Variants in TNIP3 observed in about 807,000 individuals in gnomAD.
The protein encoded by TNIP3 is TNFAIP3-interacting protein 3.
Under a neutral mutation model 54.1 loss-of-function variants are expected in TNIP3, and 34 were observed. The ratio of observed to expected loss-of-function variants is 0.63; its 90% CI spans 0.48 to 0.84. The LOEUF (loss-of-function observed/expected upper bound fraction) is 0.84. TNIP3 is among the 40% of genes least tolerant of loss of function. The pLI is 0.00. For missense variants in TNIP3, 366 were observed against 387.6 expected (o/e 0.94, Z 0.47); for synonymous variants, 134 against 136.8 (o/e 0.98, Z 0.14).
At chr4:121,223,322 T>C (rs1255694649) in intron 1 of TNIP3, among the ~76,000 whole-genome samples, 1 of 152,230 alleles carries the variant, frequency 6.6e-6, no homozygotes, top group Non-Finnish European at 1.5e-5. Flanking sequence ...TCTGAAGTAA[T>C]AAATTTTGTT....
At chr4:121,155,588 G>A (rs2148810784) in intron 4 of TNIP3, among the ~76,000 whole-genome samples, 1 of 152,254 alleles carries the variant, frequency 6.6e-6, no homozygotes, top group East Asian at 1.9e-4. Flanking sequence ...TCATCCAGAA[G>A]TGCAGTGTTT....
intron 9 of TNIP3, among the ~76,000 whole-genome samples, chr4:121,139,396 C>A (rs988237365): frequency 1.3e-5 from 2 of 152,158 alleles, no homozygotes; most frequent in African/African-American, 2.4e-5. Flanking sequence ...ATCTCCAAGG[C>A]CAGCACCTCT....
upstream of TNIP3, among the ~76,000 whole-genome samples, chr4:121,167,867 T>A (rs530154120): frequency 5.3e-4 from 80 of 152,266 alleles, no homozygotes; most frequent in African/African-American, 1.9e-3. Context: ...GACTCGAGAC[T>A]CCTGTATTAA....
Position 121,195,584 on chromosome 4 carries a change from T to G in TNIP3, c.69-12788A>C, listed in dbSNP as rs573195355. ...GGAATTAACAAGGGTCATGACAATGTGGAGACCAGGAAATTAAAAGTTATT... is the reference window on the plus strand; with the variant it reads ...GGAATTAACAAGGGTCATGACAATGGGGAGACCAGGAAATTAAAAGTTATT... On this transcript the variant is annotated intron_variant, in intron 2 of 12. Transcript: ENST00000507879. Among the ~76,000 whole-genome samples the G allele has an allele frequency of 2.6e-5, 4 of 152,342 alleles. No individual in the cohort carries two copies. In the East Asian group the frequency reaches 5.8e-4, roughly 22 times the overall value.
rs115185303 is a variant in TNIP3 at position 121,169,452 on chromosome 4, A to G, written c.190-5306T>C. ...TTCACCTTTCCTGCTTTATTTTTCC[A>G]TAACACTAAATTTTTTTCTTCTTTT... On this transcript the variant is annotated intron_variant, in intron 3 of 12. Transcript: ENST00000507879. Among the ~76,000 whole-genome samples, 688 of 152,150 alleles carry G rather than the reference A, an allele frequency of 4.5e-3. 5 individuals carry two copies. Among genetic ancestry groups the G allele is most frequent in the African/African-American group, 0.016 (647 of 41,512 alleles).
At chr4:121,194,736 A>G (rs1212960074) in intron 2 of TNIP3, among the ~76,000 whole-genome samples, 1 of 152,160 alleles carries the variant, frequency 6.6e-6, no homozygotes, top group Non-Finnish European at 1.5e-5. Context: ...AATGGCTGGC[A>G]TTTCACCTCC....
At position 121,221,749 on chromosome 4, in the gene TNIP3, A is replaced by G. The variant is rs539937100; in HGVS notation, c.4-5249T>C. Among the ~76,000 whole-genome samples the G allele has an allele frequency of 1.8e-4, 27 of 151,736 alleles. 1 individual carries two copies. Among genetic ancestry groups the G allele is most frequent in the African/African-American group, 6.6e-4 (27 of 41,026 alleles). The stretch of plus-strand genomic sequence containing the variant: ...ACCAAAAGAAAGAACTACCCAACAG[A>G]GCTGTAACTATTTTTTTTTCCACTT... On this transcript the variant is annotated intron_variant, in intron 1 of 12. Coordinates refer to the TNIP3 transcript ENST00000509841.
chr4:121,166,245 A>C (rs868491068), upstream of TNIP3, among the ~76,000 whole-genome samples: 9 of 152,220 alleles, frequency 5.9e-5, no homozygotes, highest in African/African-American at 2.2e-4. Context: ...GATAAACAAC[A>C]AACAGATTTT....
At chr4:121,134,282 G>C (rs774360922) in intron 10 of TNIP3, among the ~76,000 whole-genome samples, 1 of 152,212 alleles carries the variant, frequency 6.6e-6, no homozygotes, top group African/African-American at 2.4e-5. Flanking sequence ...ATGTACAGAA[G>C]TGACTGGCAT....
chr4:121,132,314 A>C lies in TNIP3; in HGVS notation c.*317T>G, dbSNP rs952952717. The stretch of plus-strand genomic sequence containing the variant: ...AAACACTGAGTTGCCTAAATCATAG[A>C]ATCATTTTTGTGCATCCAACAGCAA... On this transcript the variant is annotated 3_prime_UTR_variant, in exon 11 of 11. Coordinates refer to ENST00000057513, the MANE Select transcript of TNIP3 (RefSeq NM_024873.6). The C allele has an allele frequency of 3.1e-6, 1 of 319,944 alleles. No individual in the cohort carries two copies. Among genetic ancestry groups the C allele is most frequent in the Non-Finnish European group, 5.7e-6 (1 of 173,962 alleles). 19.8% of individuals were successfully genotyped at this position (319,944 alleles called of 1,614,324 possible). A position where few individuals can be genotyped will look rare whatever the true frequency, so the allele number is the denominator to read the frequency against.
chr4:121,153,525 T>C (rs1306756193), intron 5 of TNIP3, among the ~76,000 whole-genome samples: 1 of 152,242 alleles, frequency 6.6e-6, no homozygotes, highest in Non-Finnish European at 1.5e-5. Flanking sequence ...CCCGCATTTG[T>C]ATGTCTGAGC....
chr4:121,205,374 AGG>A (rs1726123985), intron 2 of TNIP3, among the ~76,000 whole-genome samples: 1 of 152,112 alleles, frequency 6.6e-6, no homozygotes, highest in Non-Finnish European at 1.5e-5. Context: ...GGGAGTAAGA[AGG>A]GGGATTGTAG....
chr4:121,183,245 A>T (rs1399253256), intron 2 of TNIP3, among the ~76,000 whole-genome samples: 1 of 152,220 alleles, frequency 6.6e-6, no homozygotes, highest in African/African-American at 2.4e-5. Context: ...TCAAACTCAG[A>T]CCTGTAGAAT....
chr4:121,170,003 A>G (rs1303341747), intron 3 of TNIP3, among the ~76,000 whole-genome samples: 2 of 152,194 alleles, frequency 1.3e-5, no homozygotes, highest in Non-Finnish European at 2.9e-5. Context: ...CGTGAAATCC[A>G]TGTTTAAAGA....
Position 121,132,213 on chromosome 4 carries a change from A to AACAC in TNIP3, c.*414_*417dup, listed in dbSNP as rs10561132. On this transcript the variant is annotated 3_prime_UTR_variant, in exon 11 of 11. Transcript: ENST00000057513. ...AACTGCAGAAATTTTTACCCCAGGA[A>AACAC]ACACACACACACACACACACACACA... 5,230 of 146,958 alleles carry AACAC rather than the reference A, an allele frequency of 0.036. 122 individuals are homozygous for AACAC. Among genetic ancestry groups the AACAC allele is most frequent in the East Asian group, 0.085 (422 of 4,940 alleles). The allele number at this position is 146,958 out of a possible 1,614,324, so 9.1% of individuals were successfully genotyped here.
Position 121,150,232 on chromosome 4 carries a change from A to G in TNIP3, c.493-13T>C, listed in dbSNP as rs1230276888. The G allele has an allele frequency of 6.6e-7, 1 of 1,508,414 alleles. No homozygotes were observed. Among genetic ancestry groups the G allele is most frequent in the Non-Finnish European group, 9.2e-7 (1 of 1,086,254 alleles). 93.4% of individuals were successfully genotyped at this position (1,508,414 alleles called of 1,614,324 possible). ...CATCCTGAAGAGCCTACGTAATAAG[A>G]TAAGTACACTGTTGATCTAAGATTT... On this transcript the variant is annotated splice_polypyrimidine_tract_variant and intron_variant, in intron 5 of 10. Coordinates refer to ENST00000057513, the MANE Select transcript of TNIP3 (RefSeq NM_024873.6).
chr4:121,222,460 T>C (rs1727069388), intron 1 of TNIP3, among the ~76,000 whole-genome samples: 1 of 152,164 alleles, frequency 6.6e-6, no homozygotes, highest in Non-Finnish European at 1.5e-5. Context: ...TTGGGCATAT[T>C]ATTTAAATAC....
intron 2 of TNIP3, among the ~76,000 whole-genome samples, chr4:121,202,982 T>A (rs536537105): frequency 2.0e-5 from 3 of 152,270 alleles, no homozygotes; most frequent in African/African-American, 7.2e-5. Context: ...CTGTTGGGAA[T>A]GAAAACTACT....
chr4:121,220,562 A>G (rs1726986703), upstream of TNIP3, among the ~76,000 whole-genome samples: 1 of 152,226 alleles, frequency 6.6e-6, no homozygotes. Context: ...TGTTTCCAAG[A>G]TGCTAAAACT....
Sources: allele counts gnomAD v4.1 joint callset (sites outside exome capture counted in the v4.1 genomes callset), GRCh38; gene constraint gnomAD v4.1.1; transcripts MANE v1.5; gene names NCBI Gene and HGNC (gene_info 2026-07-23, HGNC 2026-07-21).